Variants in KRT31 observed in about 807,000 individuals in gnomAD.
KRT31 encodes the protein keratin 31.
In KRT31, 27 loss-of-function variants were observed where a neutral mutation model predicts 40.8. That is an observed-to-expected ratio of 0.66 (90% CI 0.49 to 0.91). The LOEUF is 0.91. Ranked by LOEUF, KRT31 falls within the 40% of genes least tolerant of loss-of-function variation. The probability of loss-of-function intolerance (pLI) is 0.00; values close to 1 mark genes in which losing one functional copy is unlikely to be tolerated. For missense variants in KRT31, 510 were observed against 544.1 expected (o/e 0.94, Z 0.62); for synonymous variants, 231 against 231.9 (o/e 1.00, Z 0.03).
rs761475573 is a variant in KRT31 at position 41,397,282 on chromosome 17, G to A, written c.258C>T (p.Asn86=). ...GCTGCTGAGACCGCTCCCGGATGAG[G>A]TTCTCCAGCTCCGCGTTGTCCCGCT... ...QLERDNAELE[N]LIRERSQQQE... The change falls in exon 1 of 7, where the codon AAC becomes AAT. Residue 86 remains asparagine, a synonymous_variant. Transcript: ENST00000251645. 3.7e-6 allele frequency: 6 copies of A among 1,614,204 alleles called. No individual in the cohort carries two copies. Among genetic ancestry groups the A allele is most frequent in the South Asian group, 1.1e-5 (1 of 91,086 alleles).
At position 41,393,961 on chromosome 17, in the gene KRT31, C is replaced by T; in HGVS notation, c.*55G>A. Reference sequence around the variant, plus strand: ...CCCTTTTGTTGAACCAGAGCCAGGTCACAGCTCTGGAGTCCTGGGCCCTGC... The same window carrying T: ...CCCTTTTGTTGAACCAGAGCCAGGTTACAGCTCTGGAGTCCTGGGCCCTGC... On this transcript the variant is annotated 3_prime_UTR_variant, in exon 7 of 7. Coordinates refer to ENST00000251645, the MANE Select transcript of KRT31 (RefSeq NM_002277.3). 2 of 1,572,962 alleles carry T rather than the reference C, an allele frequency of 1.3e-6. No homozygotes were observed. Among genetic ancestry groups the T allele is most frequent in the Non-Finnish European group, 1.7e-6 (2 of 1,163,864 alleles).
chr17:41,397,153 C>A (rs1213881961), intron 1 of KRT31, 39 bp downstream of exon 1: 4 of 1,605,438 alleles, frequency 2.5e-6, no homozygotes, highest in South Asian at 2.2e-5. Context: ...AGAATCACAG[C>A]AAACTCTCTT....
chr17:41,395,996 T>C (rs1442712036), intron 3 of KRT31, among the ~76,000 whole-genome samples: 1 of 151,916 alleles, frequency 6.6e-6, no homozygotes, highest in African/African-American at 2.4e-5. Context: ...GAGCATGTCA[T>C]GGCCCCTCCC....
Position 41,397,049 on chromosome 17 carries a change from A to T in KRT31, c.349-54T>A, listed in dbSNP as rs555244112. The T allele has an allele frequency of 1.3e-4, 209 of 1,584,532 alleles. 4 individuals are homozygous for T. In the South Asian group the frequency reaches 2.3e-3, roughly 17 times the overall value. On this transcript the variant is annotated intron_variant, in intron 1 of 6. Transcript: ENST00000251645. ...ACTGAAAATAAATATGAAATCATCAACTTTTTAAAAATGACTTAAGCCATT... is the reference window on the plus strand; with the variant it reads ...ACTGAAAATAAATATGAAATCATCATCTTTTTAAAAATGACTTAAGCCATT...
chr17:41,394,751 AT>A (rs1418635642), intron 6 of KRT31, 96 bp downstream of exon 6: 1 of 1,568,354 alleles, frequency 6.4e-7, no homozygotes, highest in East Asian at 2.3e-5. Context: ...GTGTGAAGGC[AT>A]AATTTCCTTT....
rs759767046 is a variant in KRT31, at chr17:41,395,591, G to T, written c.621C>A (p.Asp207Glu). Residue 207 changes from aspartate to glutamate, a missense_variant, in exon 4 of 7, where the codon GAC becomes GAA. Physicochemically the swap from Asp to Glu is conservative, Grantham distance 45. Coordinates refer to ENST00000251645, the MANE Select transcript of KRT31 (RefSeq NM_002277.3). ...EVNTLRCQLG[D>E]RLNVEVDAAP... ...CAGCATCCACCTCCACATTGAGGCG[G>T]TCTCCAAGCTGGCAGCGCAGGGTAT... is the stretch of plus-strand genomic sequence containing the variant. 1.9e-6 allele frequency: 3 copies of T among 1,614,200 alleles called. No homozygotes were observed. In the East Asian group the frequency reaches 6.7e-5, roughly 36 times the overall value.
In KRT31 at chr17:41,394,126, G is replaced by T. The variant is rs1466045542; in HGVS notation, c.1141C>A (p.Pro381Thr). 1.2e-6 allele frequency: 2 copies of T among 1,612,556 alleles called. No individual in the cohort carries two copies. Among genetic ancestry groups the T allele is most frequent in the South Asian group, 1.1e-5 (1 of 90,902 alleles). ...GGATTGGAGAGACAGGGTCCGATGG[G>T]CTTGCTGCACGCGTTGGTCGTGGCA... ...PCATTNACSK[P>T]IGPCLSNPCT... Residue 381 changes from proline (P) to threonine (T), a missense_variant, in exon 7 of 7, where the codon CCC (proline) becomes ACC (threonine). Coordinates refer to ENST00000251645, the MANE Select transcript of KRT31 (RefSeq NM_002277.3).
At chr17:41,394,285 C>T (rs1339623535) in intron 6 of KRT31, 116 bp from the exon 7 acceptor site, 15 of 1,064,324 alleles carry the variant, frequency 1.4e-5, no homozygotes, top group Non-Finnish European at 2.1e-5. Flanking sequence ...TGGCCTAGAA[C>T]AGAAAAGGCA....
At position 41,396,929 on chromosome 17, in the gene KRT31, C is replaced by G. The variant is rs368630896; in HGVS notation, c.415G>C (p.Asp139His). Reference protein sequence around the residue: ...VQIDNAKLAADDFRTKYQTEL... With the variant: ...VQIDNAKLAAHDFRTKYQTEL... ...ACAACTCACTTGGTTCTGAAATCAT[C>G]CGCAGCCAGCTTGGCGTTGTCGATC... Residue 139 changes from aspartate to histidine, a missense_variant, in exon 2 of 7, where the codon GAT (aspartate) becomes CAT (histidine). Transcript: ENST00000251645. The G allele has an allele frequency of 6.8e-6, 11 of 1,613,894 alleles. No homozygotes were observed. The highest frequency in any genetic ancestry group is 9.3e-6 in the Non-Finnish European group (11 of 1,179,896).
intron 5 of KRT31, 40 bp from the exon 6 acceptor site, chr17:41,395,108 T>A: frequency 6.2e-7 from 1 of 1,612,294 alleles, no homozygotes; most frequent in Non-Finnish European, 8.5e-7. Flanking sequence ...GAGCTGCTCC[T>A]TCAAAGGGTT....
chr17:41,394,898 C>T lies in KRT31; in HGVS notation c.1047G>A (p.Leu349=). Reference sequence around the variant, plus strand: ...TCCGGTATGTGTTGATCTCACACTCCAGCCGGGCACGCACATCCAGCAGCA... The same window carrying T: ...TCCGGTATGTGTTGATCTCACACTCTAGCCGGGCACGCACATCCAGCAGCA... ...YQVLLDVRAR[L]ECEINTYRSL... is the part of the protein sequence containing the mutation. Residue 349 remains leucine, a synonymous_variant, in exon 6 of 7, where the codon CTG becomes CTA. Coordinates refer to ENST00000251645, the MANE Select transcript of KRT31 (RefSeq NM_002277.3). 6.2e-7 allele frequency: 1 copy of T among 1,614,048 alleles called. No individual in the cohort carries two copies. The highest frequency in any genetic ancestry group is 8.5e-7 in the Non-Finnish European group (1 of 1,180,022).
In KRT31 at chr17:41,397,435, G is replaced by A; in HGVS notation, c.105C>T (p.Cys35=). The A allele has an allele frequency of 6.2e-7, 1 of 1,613,004 alleles. No homozygotes were observed. The highest frequency in any genetic ancestry group is 8.5e-7 in the Non-Finnish European group (1 of 1,180,004). The change falls in exon 1 of 7, where the codon TGC becomes TGT. Residue 35 remains cysteine (C), a synonymous_variant. Coordinates refer to ENST00000251645, the MANE Select transcript of KRT31 (RefSeq NM_002277.3). The part of the protein sequence containing the change: ...SCHSCTLPGA[C]NIPANVSNCN... ...AGTTGCTCACATTGGCGGGGATGTTGCAGGCCCCGGGCAGGGTGCAGCTGT... is the reference window on the plus strand; with the variant it reads ...AGTTGCTCACATTGGCGGGGATGTTACAGGCCCCGGGCAGGGTGCAGCTGT...
At chr17:41,394,761 T>C in intron 6 of KRT31, 87 bp downstream of exon 6, 2 of 1,576,994 alleles carry the variant, frequency 1.3e-6, no homozygotes. Flanking sequence ...ATAATTTCCT[T>C]TCCAAGGTAT....
chr17:41,394,788 G>A, intron 6 of KRT31, 60 bp downstream of exon 6: 1 of 1,603,346 alleles, frequency 6.2e-7, no homozygotes, highest in Non-Finnish European at 8.5e-7. Context: ...TTTGCATGGT[G>A]TCTAACTGTT....
chr17:41,394,668 T>G (rs2018186867), intron 6 of KRT31, 180 bp downstream of exon 6: 1 of 773,622 alleles, frequency 1.3e-6, no homozygotes. Flanking sequence ...ATCAAACAAC[T>G]CTTGCTACCA....
At position 41,397,348 on chromosome 17, in the gene KRT31, G is replaced by A. The variant is rs747771826; in HGVS notation, c.192C>T (p.Asn64=). 2.8e-5 allele frequency: 45 copies of A among 1,613,596 alleles called. No homozygotes were observed. The highest frequency in any genetic ancestry group is 1.3e-4 in the South Asian group (12 of 91,060). Residue 64 remains asparagine, a synonymous_variant, in exon 1 of 7, where the codon AAC becomes AAT. Coordinates refer to ENST00000251645, the MANE Select transcript of KRT31 (RefSeq NM_002277.3). The stretch of plus-strand genomic sequence containing the variant: ...TCTCCAGGTAGCTGGCCAGGCGGTC[G>A]TTCAGGAACTGCATAGTCTCCTTCT... ...GSEKETMQFL[N]DRLASYLEKV...
In KRT31 at chr17:41,393,742, T is replaced by G; in HGVS notation, c.*274A>C. ...CATCTGCTTTGCCAAGGAAATGATATTTATTAGGAGGTTAAAAGGGAGGCC... is the reference window on the plus strand; with the variant it reads ...CATCTGCTTTGCCAAGGAAATGATAGTTATTAGGAGGTTAAAAGGGAGGCC... On this transcript the variant is annotated 3_prime_UTR_variant, in exon 7 of 7. Coordinates refer to ENST00000251645, the MANE Select transcript of KRT31 (RefSeq NM_002277.3). The G allele has an allele frequency of 9.0e-6, 4 of 446,456 alleles. No homozygotes were observed. The highest frequency in any genetic ancestry group is 1.6e-5 in the Non-Finnish European group (4 of 255,454). 27.7% of individuals were successfully genotyped at this position (446,456 alleles called of 1,614,324 possible). A position where few individuals can be genotyped will look rare whatever the true frequency, so the allele number is the denominator to read the frequency against.
At chr17:41,394,495 G>T (rs2018184852) in intron 6 of KRT31, among the ~76,000 whole-genome samples, 1 of 152,132 alleles carries the variant, frequency 6.6e-6, no homozygotes, top group South Asian at 2.1e-4. Context: ...TACTGATCCA[G>T]CCCACCTGGT....
In KRT31 at chr17:41,397,335, T is replaced by C. The variant is rs142757843; in HGVS notation, c.205A>G (p.Ser69Gly). ...AGCTGACGCACTTTCTCCAGGTAGC[T>C]GGCCAGGCGGTCGTTCAGGAACTGC... ...TMQFLNDRLA[S>G]YLEKVRQLER... Residue 69 changes from serine to glycine, a missense_variant, in exon 1 of 7, where the codon AGC (serine) becomes GGC (glycine). By Grantham distance (56) the Ser-to-Gly change is moderately conservative. Coordinates refer to ENST00000251645, the MANE Select transcript of KRT31 (RefSeq NM_002277.3). 1.9e-6 allele frequency: 3 copies of C among 1,614,038 alleles called. No individual in the cohort carries two copies. Among genetic ancestry groups the C allele is most frequent in the Admixed American group, 1.7e-5 (1 of 60,034 alleles).
Sources: allele counts gnomAD v4.1 joint callset (sites outside exome capture counted in the v4.1 genomes callset), GRCh38; gene constraint gnomAD v4.1.1; transcripts MANE v1.5; gene names NCBI Gene and HGNC (gene_info 2026-07-23, HGNC 2026-07-21).